The following NIT2 variants were observed in gnomAD, a reference collection of about 807,000 sequenced individuals.
NIT2 encodes the protein omega-amidase NIT2.
In NIT2, 46 loss-of-function variants were observed where a neutral mutation model predicts 42.7. The observed-to-expected ratio is 1.08, with a 90% CI of 0.85 to 1.38. NIT2 has a LOEUF of 1.38. NIT2 is among the 40% of genes most tolerant of loss of function. The pLI is 0.00. For synonymous variants in NIT2, 123 were observed against 121.9 expected (o/e 1.01, Z -0.06); for missense variants, 309 against 342.5 (o/e 0.90, Z 0.77).
rs554972432 is a variant in NIT2, at chr3:100,347,954, G to A, written c.506-849G>A. ...TGCCCAGGCTGGAGTGCAGTGGTGC[G>A]ATCTTGGCTCACTGCAACTTCTGCT... is the stretch of plus-strand genomic sequence containing the variant. On this transcript the variant is annotated intron_variant, in intron 6 of 9. Transcript: ENST00000394140. Among the ~76,000 whole-genome samples the A allele has an allele frequency of 1.8e-3, 279 of 151,854 alleles. 1 individual carries two copies. The highest frequency in any genetic ancestry group is 6.3e-3 in the African/African-American group (262 of 41,390).
At chr3:100,337,520 C>A (rs889138145) in intron 1 of NIT2, among the ~76,000 whole-genome samples, 1 of 152,314 alleles carries the variant, frequency 6.6e-6, no homozygotes, top group Non-Finnish European at 1.5e-5. Context: ...GTGGCGCGAT[C>A]TTGGCTCACT....
rs2148882917 is a variant in NIT2 at position 100,346,211 on chromosome 3, A to G, written c.461A>G (p.Tyr154Cys). 6.2e-7 allele frequency: 1 copy of G among 1,614,156 alleles called. No homozygotes were observed. The highest frequency in any genetic ancestry group is 2.2e-5 in the East Asian group (1 of 44,874). Residue 154 changes from tyrosine (Y) to cysteine (C), a missense_variant, in exon 6 of 10, where the codon TAC (tyrosine) becomes TGC (cysteine). Transcript: ENST00000394140. The stretch of plus-strand genomic sequence containing the variant: ...TGCAGAGTGGGTCTGGGCATCTGCT[A>G]CGACATGCGGTTTGCAGAGCTTGCA... ...PYCRVGLGICYDMRFAELAQI... is the reference protein window; with the variant it reads ...PYCRVGLGICCDMRFAELAQI...
In NIT2 at chr3:100,361,593, A is replaced by AG. The variant is rs1706385774; in HGVS notation, c.*6325_*6326insG. 6.6e-6 allele frequency: 1 copy of AG among 152,232 alleles called. No individual in the cohort carries two copies. Among genetic ancestry groups the AG allele is most frequent in the Non-Finnish European group, 1.5e-5 (1 of 68,042 alleles). 9.4% of individuals were successfully genotyped at this position (152,232 alleles called of 1,614,324 possible). A position where few individuals can be genotyped will look rare whatever the true frequency, so the allele number is the denominator to read the frequency against. On this transcript the variant is annotated 3_prime_UTR_variant, in exon 10 of 10. Transcript: ENST00000394140. ...TGTCAACTCCTAATATGATTTGTGCACTATCACCTTGAAGTAAACCAGACT... is the reference window on the plus strand; with the variant it reads ...TGTCAACTCCTAATATGATTTGTGCAGCTATCACCTTGAAGTAAACCAGACT...
intron 7 of NIT2, among the ~76,000 whole-genome samples, chr3:100,351,666 C>T (rs1483330961): frequency 6.6e-6 from 1 of 152,122 alleles, no homozygotes; most frequent in African/African-American, 2.4e-5. Context: ...AGAAGAAAAC[C>T]TAGGCATTAC....
chr3:100,345,783 A>AG (rs1706210528), intron 5 of NIT2, 105 bp downstream of exon 5: 3 of 734,888 alleles, frequency 4.1e-6, no homozygotes, highest in Admixed American at 2.4e-5. Context: ...CCTAACTGAA[A>AG]GACCATAAGT....
chr3:100,335,276 A>G (rs564167149), intron 1 of NIT2, among the ~76,000 whole-genome samples: 56 of 152,338 alleles, frequency 3.7e-4, no homozygotes, highest in Middle Eastern at 3.4e-3. Context: ...GACTTTGTGC[A>G]GCTTTCCCCC....
chr3:100,348,732 G>A, intron 6 of NIT2, 71 bp from the exon 7 acceptor site: 1 of 1,223,232 alleles, frequency 8.2e-7, no homozygotes, highest in South Asian at 1.2e-5. Context: ...GCTAGATAAG[G>A]AACAGTGGGG....
At chr3:100,336,241 C>T (rs902944657) in intron 1 of NIT2, among the ~76,000 whole-genome samples, 4 of 152,130 alleles carry the variant, frequency 2.6e-5, no homozygotes, top group East Asian at 1.9e-4. Flanking sequence ...ACAGGAAACA[C>T]CCAAAAGAGA....
intron 1 of NIT2, among the ~76,000 whole-genome samples, chr3:100,337,263 T>C (rs990139910): frequency 2.0e-5 from 3 of 152,276 alleles, no homozygotes; most frequent in East Asian, 1.9e-4. Flanking sequence ...GACACAGTAA[T>C]AATCTGATCG....
intron 6 of NIT2, among the ~76,000 whole-genome samples, chr3:100,347,904 T>C (rs1019691253): frequency 6.6e-6 from 1 of 152,090 alleles, no homozygotes; most frequent in Non-Finnish European, 1.5e-5. Context: ...TTCCTTTTTT[T>C]TTTTGAGACA....
rs766264879 is a variant in NIT2 at position 100,361,334 on chromosome 3, G to C, written c.*6066G>C. ...TCATGGTCTTCCTGTATTTGCTCTAGGTAAGCTGTTTCATAGCCTTCCAGG... is the reference window on the plus strand; with the variant it reads ...TCATGGTCTTCCTGTATTTGCTCTACGTAAGCTGTTTCATAGCCTTCCAGG... On this transcript the variant is annotated 3_prime_UTR_variant, in exon 10 of 10. Transcript: ENST00000394140. 2.6e-5 allele frequency: 4 copies of C among 152,150 alleles called. No individual in the cohort carries two copies. The highest frequency in any genetic ancestry group is 5.9e-5 in the Non-Finnish European group (4 of 68,030). The allele number at this position is 152,150 out of a possible 1,614,324, so 9.4% of individuals were successfully genotyped here. A position where few individuals can be genotyped will look rare whatever the true frequency, so the allele number is the denominator to read the frequency against.
intron 6 of NIT2, among the ~76,000 whole-genome samples, chr3:100,347,725 G>A (rs963285781): frequency 1.3e-5 from 2 of 152,212 alleles, no homozygotes; most frequent in Admixed American, 6.5e-5. Flanking sequence ...ACCCCAGCCA[G>A]TGTCCATGCT....
At chr3:100,339,726 C>A in intron 2 of NIT2, 89 bp from the exon 3 acceptor site, 1 of 1,306,074 alleles carries the variant, frequency 7.7e-7, no homozygotes, top group Non-Finnish European at 1.1e-6. Flanking sequence ...GAAAGCAGAG[C>A]TAGAAGCAGC....
rs981887171 is a variant in NIT2 at position 100,355,974 on chromosome 3, T to C, written c.*706T>C. 5 of 152,218 alleles carry C rather than the reference T, an allele frequency of 3.3e-5. No homozygotes were observed. The highest frequency in any genetic ancestry group is 6.5e-5 in the Admixed American group (1 of 15,280). The allele number at this position is 152,218 out of a possible 1,614,324, so 9.4% of individuals were successfully genotyped here. ...CTGAAAGTCCCATTATTTTTCTTTT[T>C]TCTTTTTCCCCAGTAACACTTTCTA... On this transcript the variant is annotated 3_prime_UTR_variant, in exon 10 of 10. Coordinates refer to ENST00000394140, the MANE Select transcript of NIT2 (RefSeq NM_020202.5).
chr3:100,340,274 C>T (rs1260400215), intron 3 of NIT2, among the ~76,000 whole-genome samples: 1 of 152,014 alleles, frequency 6.6e-6, no homozygotes, highest in Non-Finnish European at 1.5e-5. Context: ...CCTTGTTGCC[C>T]AGGCTGGTTT....
At chr3:100,347,546 C>T (rs1706229722) in intron 6 of NIT2, among the ~76,000 whole-genome samples, 1 of 152,168 alleles carries the variant, frequency 6.6e-6, no homozygotes. Flanking sequence ...CCTCCCACCT[C>T]AGCCTCCCAA....
rs1292984430 is a variant in NIT2, at chr3:100,359,092, A to G, written c.*3824A>G. 2 of 152,234 alleles carry G rather than the reference A, an allele frequency of 1.3e-5. 1 individual carries two copies. The highest frequency in any genetic ancestry group is 2.9e-5 in the Non-Finnish European group (2 of 68,048). The allele number at this position is 152,234 out of a possible 1,614,324, so 9.4% of individuals were successfully genotyped here. ...AAAGCCAGCTGTTGGAATAGAAAGC[A>G]CTTTAGGATAAAATGGTCTTGTTAA... On this transcript the variant is annotated 3_prime_UTR_variant, in exon 10 of 10. Coordinates refer to ENST00000394140, the MANE Select transcript of NIT2 (RefSeq NM_020202.5).
At chr3:100,344,262 C>T (rs981144561) in intron 4 of NIT2, among the ~76,000 whole-genome samples, 2 of 152,198 alleles carry the variant, frequency 1.3e-5, no homozygotes, top group African/African-American at 4.8e-5. Context: ...GGAAGTTCAC[C>T]CAGGGCTGTT....
chr3:100,353,777 C>T (rs868002268), intron 8 of NIT2, among the ~76,000 whole-genome samples: 24 of 140,286 alleles, frequency 1.7e-4, no homozygotes, highest in Non-Finnish European at 2.1e-4. Flanking sequence ...TTTCTTTTTT[C>T]TTTTTTTTTT....
Sources: gnomAD v4.1 joint callset for allele counts (sites outside exome capture counted in the v4.1 genomes callset) on GRCh38, gnomAD v4.1.1 for gene constraint, MANE v1.5 for transcripts, NCBI Gene and HGNC (gene_info 2026-07-23, HGNC 2026-07-21) for gene names.